SPECC1: variants seen among roughly 807,000 people sequenced by gnomAD.
SPECC1 encodes the protein sperm antigen with calponin homology and coiled-coil domains 1, also known as cytospin-B.
A neutral mutation model predicts 104.1 loss-of-function variants in SPECC1; 62 were observed. The observed-to-expected ratio is 0.60, with a 90% CI of 0.49 to 0.74. The LOEUF (loss-of-function observed/expected upper bound fraction) is 0.74, where lower values mean the gene tolerates loss of function less well. SPECC1 is among the 30% of genes least tolerant of loss of function. The probability of loss-of-function intolerance (pLI) is 0.00; values close to 1 mark genes in which losing one functional copy is unlikely to be tolerated. For missense variants in SPECC1, 1,306 were observed against 1,310.5 expected, an observed-to-expected ratio of 1.00 and a Z score of 0.05; for synonymous variants, 513 against 501.6, an observed-to-expected ratio of 1.02 and a Z score of -0.30.
At chr17:20,129,289 A>G (rs1180001092) in intron 3 of SPECC1, among the ~76,000 whole-genome samples, 1 of 150,510 alleles carries the variant, frequency 6.6e-6, no homozygotes, top group Non-Finnish European at 1.5e-5. Context: ...GGTTCAAGCC[A>G]TTCTCCTGCC....
At chr17:20,214,370 C>T (rs899666215) in intron 4 of SPECC1, among the ~76,000 whole-genome samples, 6 of 151,758 alleles carry the variant, frequency 4.0e-5, no homozygotes, top group Non-Finnish European at 7.4e-5. Context: ...TGCTTTTGGT[C>T]GGAGGAATTT....
At chr17:20,011,439 A>G (rs2043939665) in intron 1 of SPECC1, among the ~76,000 whole-genome samples, 1 of 152,124 alleles carries the variant, frequency 6.6e-6, no homozygotes, top group South Asian at 2.1e-4. Context: ...TTCTGGTGTA[A>G]GAAAACAGAC....
At chr17:20,176,368 C>T (rs1373694097) in intron 3 of SPECC1, among the ~76,000 whole-genome samples, 1 of 152,190 alleles carries the variant, frequency 6.6e-6, no homozygotes, top group Non-Finnish European at 1.5e-5. Context: ...GGCAACATTT[C>T]ATTTCTCACC....
intron 4 of SPECC1, among the ~76,000 whole-genome samples, chr17:20,218,859 ATTG>A (rs1198041579): frequency 6.6e-6 from 1 of 152,038 alleles, no homozygotes; most frequent in African/African-American, 2.4e-5. Context: ...CATGAGTTCA[ATTG>A]TTTTAATTTT....
intron 7 of SPECC1, chr17:20,238,078 A>T: frequency 9.7e-7 from 1 of 1,025,728 alleles, no homozygotes; most frequent in Non-Finnish European, 1.2e-6. Context: ...CTTCACTTGG[A>T]GTCTGACTTC....
chr17:20,011,189 A>G (rs2043929879), intron 1 of SPECC1, among the ~76,000 whole-genome samples: 1 of 152,212 alleles, frequency 6.6e-6, no homozygotes, highest in Admixed American at 6.5e-5. Context: ...ATGCTCTGGA[A>G]TAGAAGAATT....
chr17:20,158,670 AAC>A (rs1470115405), intron 3 of SPECC1, among the ~76,000 whole-genome samples: 1 of 152,236 alleles, frequency 6.6e-6, no homozygotes, highest in Non-Finnish European at 1.5e-5. Context: ...CTCAGAAGCT[AAC>A]ACAAGTCTTG....
chr17:20,021,747 A>C (rs1190790794), intron 1 of SPECC1, among the ~76,000 whole-genome samples: 2 of 146,426 alleles, frequency 1.4e-5, no homozygotes, highest in Non-Finnish European at 3.0e-5. Context: ...TGTGTCGGCC[A>C]GGATGGTCTT....
At chr17:20,291,984 C>T (rs1212482845) in intron 12 of SPECC1, among the ~76,000 whole-genome samples, 1 of 151,194 alleles carries the variant, frequency 6.6e-6, no homozygotes, top group Non-Finnish European at 1.5e-5. Flanking sequence ...AGGGCAAGCA[C>T]TTGCCTTGTG....
intron 3 of SPECC1, among the ~76,000 whole-genome samples, chr17:20,171,556 A>G (rs1465786675): frequency 6.6e-6 from 1 of 150,454 alleles, no homozygotes; most frequent in Non-Finnish European, 1.5e-5. Flanking sequence ...GGTTATTCCT[A>G]TTTTTTTTTG....
intron 2 of SPECC1, among the ~76,000 whole-genome samples, chr17:20,105,792 A>G (rs1374925538): frequency 6.6e-6 from 1 of 152,138 alleles, no homozygotes; most frequent in Non-Finnish European, 1.5e-5. Context: ...TCATCTCACC[A>G]AGACCTTGAG....
intron 9 of SPECC1, among the ~76,000 whole-genome samples, chr17:20,248,969 C>G (rs72830197): frequency 0.052 from 7,928 of 152,202 alleles, 283 homozygotes; most frequent in Non-Finnish European, 0.079. Context: ...AGTCTTAAAA[C>G]CCATAGAAAC....
chr17:20,048,881 G>T (rs2045639379), intron 1 of SPECC1, among the ~76,000 whole-genome samples: 1 of 151,646 alleles, frequency 6.6e-6, no homozygotes, highest in South Asian at 2.1e-4. Context: ...GACAGAGTGA[G>T]ACCCTGTCTC....
intron 10 of SPECC1, 55 bp downstream of exon 10, chr17:20,253,641 T>C (rs1185588085): frequency 6.6e-7 from 1 of 1,520,274 alleles, no homozygotes; most frequent in Non-Finnish European, 9.1e-7. Flanking sequence ...CAGTTAACTT[T>C]TCTTCATTTC....
chr17:20,202,536 A>G (rs538170495), intron 3 of SPECC1, among the ~76,000 whole-genome samples: 111 of 152,356 alleles, frequency 7.3e-4, no homozygotes, highest in African/African-American at 2.6e-3. Context: ...CAAACAGACC[A>G]TGTAAACTTA....
intron 12 of SPECC1, among the ~76,000 whole-genome samples, chr17:20,293,331 T>C (rs1396838715): frequency 6.6e-6 from 1 of 152,204 alleles, no homozygotes; most frequent in Non-Finnish European, 1.5e-5. Context: ...ACACACACTT[T>C]GAGGAGAGTT....
At chr17:20,044,517 C>T (rs2045460959) in intron 1 of SPECC1, among the ~76,000 whole-genome samples, 2 of 151,988 alleles carry the variant, frequency 1.3e-5, no homozygotes, top group Admixed American at 6.6e-5. Flanking sequence ...TGGAAAAGAG[C>T]GTGATGGTGT....
At chr17:20,143,539 C>T (rs971961443) in intron 3 of SPECC1, among the ~76,000 whole-genome samples, 12 of 152,124 alleles carry the variant, frequency 7.9e-5, no homozygotes, top group South Asian at 6.2e-4. Flanking sequence ...CAAAATTTAG[C>T]TGGGCATGGT....
Position 20,204,707 on chromosome 17 carries a change from G to C in SPECC1, c.658G>C (p.Gly220Arg). Residue 220 changes from glycine (G) to arginine (R), a missense_variant, in exon 4 of 15, where the codon GGT (glycine) becomes CGT (arginine). Around this residue, in one of 2 missense-constraint regions of SPECC1, gnomAD observed 1,177 missense variants for 1,139.9 expected, o/e 1.03. Transcript: ENST00000395527. ...PNVDGTSVSP[G>R]DTEPMIRALE... Reference sequence around the variant, plus strand: ...TGTCGATGGAACATCAGTCTCCCCAGGTGACACGGAACCTATGATAAGAGC... The same window carrying C: ...TGTCGATGGAACATCAGTCTCCCCACGTGACACGGAACCTATGATAAGAGC... The C allele has an allele frequency of 6.2e-7, 1 of 1,614,042 alleles. No homozygotes were observed. The highest frequency in any genetic ancestry group is 2.2e-5 in the East Asian group (1 of 44,884).
Sources: gnomAD v4.1 joint callset for allele counts (sites outside exome capture counted in the v4.1 genomes callset) on GRCh38, gnomAD v4.1.1 for gene constraint, gnomAD v4.1.1 regional missense constraint, MANE v1.5 for transcripts, NCBI Gene and HGNC (gene_info 2026-07-23, HGNC 2026-07-21) for gene names.